The following NHSL1 variants were observed in gnomAD, a reference collection of about 807,000 sequenced individuals.
The protein encoded by NHSL1 is NHS-like protein 1.
Under a neutral mutation model 95.0 loss-of-function variants are expected in NHSL1, and 48 were observed. The observed-to-expected ratio is 0.51, with a 90% confidence interval of 0.40 to 0.64. NHSL1 has a LOEUF of 0.64. NHSL1 is among the 30% of genes least tolerant of loss of function. NHSL1 has a pLI of 0.00. For missense variants in NHSL1, 1,971 were observed against 2,077.7 expected, an observed-to-expected ratio of 0.95 and a Z score of 1.00; for synonymous variants, 783 against 833.9, an observed-to-expected ratio of 0.94 and a Z score of 1.05.
intron 5 of NHSL1, among the ~76,000 whole-genome samples, chr6:138,434,309 T>C (rs1775920652): frequency 6.6e-6 from 1 of 152,132 alleles, no homozygotes; most frequent in African/African-American, 2.4e-5. Flanking sequence ...ATCTGTTGTG[T>C]TCTAGTTGGG....
chr6:138,455,539 TGCTCCCTGCAAGGAGCCCCGCCTTC>T (rs1777551729), intron 3 of NHSL1, among the ~76,000 whole-genome samples: 3 of 117,734 alleles, frequency 2.5e-5, no homozygotes, highest in African/African-American at 8.7e-5. Context: ...CGCCTTCACA[TGCTCCCTGCAAGGAGCCCCGCCTTC>T]GCATGCTTCC....
At chr6:138,456,350 G>A (rs1437893226) in intron 3 of NHSL1, among the ~76,000 whole-genome samples, 1 of 152,172 alleles carries the variant, frequency 6.6e-6, no homozygotes, top group African/African-American at 2.4e-5. Flanking sequence ...TAAGCCTCCT[G>A]TGTTTACAGG....
At chr6:138,657,832 A>AG (rs1313467595) in intron 1 of NHSL1, among the ~76,000 whole-genome samples, 2 of 148,928 alleles carry the variant, frequency 1.3e-5, no homozygotes, top group African/African-American at 4.9e-5. Flanking sequence ...AAAAAAAAAA[A>AG]AAAAGAAAGA....
At chr6:138,687,991 T>C (rs1785609198) in intron 1 of NHSL1, among the ~76,000 whole-genome samples, 1 of 152,116 alleles carries the variant, frequency 6.6e-6, no homozygotes. Flanking sequence ...TTGCTCTATC[T>C]CCCAGGCTGG....
intron 1 of NHSL1, among the ~76,000 whole-genome samples, chr6:138,582,733 A>T (rs1220485483): frequency 6.6e-6 from 1 of 151,924 alleles, no homozygotes; most frequent in Non-Finnish European, 1.5e-5. Flanking sequence ...TGTCCTCCCT[A>T]CCACCAGGCA....
intron 1 of NHSL1, among the ~76,000 whole-genome samples, chr6:138,667,453 T>G (rs1785309364): frequency 6.6e-6 from 1 of 152,256 alleles, no homozygotes; most frequent in South Asian, 2.1e-4. Context: ...ATGAAACTGC[T>G]GTTAAGCTGT....
chr6:138,508,657 A>G (rs1364251837), intron 1 of NHSL1, among the ~76,000 whole-genome samples: 1 of 152,180 alleles, frequency 6.6e-6, no homozygotes, highest in Admixed American at 6.5e-5. Flanking sequence ...GCCTTTGCAC[A>G]TGCTATTAAT....
intron 1 of NHSL1, among the ~76,000 whole-genome samples, chr6:138,678,062 T>C (rs538107137): frequency 4.6e-4 from 70 of 152,306 alleles, no homozygotes; most frequent in African/African-American, 1.6e-3. Context: ...CTAGTTCTCA[T>C]TGCTGCTCTC....
At position 138,555,632 on chromosome 6, in the gene NHSL1, C is replaced by A. The variant is rs113737628; in HGVS notation, c.202+16078G>T. 3.1e-3 allele frequency among the ~76,000 whole-genome samples: 472 copies of A among 152,264 alleles called. 5 individuals carry two copies. The highest frequency in any genetic ancestry group is 0.011 in the African/African-American group (448 of 41,542). On this transcript the variant is annotated intron_variant, in intron 1 of 6. Transcript: ENST00000427025. The stretch of plus-strand genomic sequence containing the variant: ...GCGGAATAAAAGTGACATGAGAAAG[C>A]CTGTTTTCAGGACTGGCGTTCTTCC...
chr6:138,609,549 G>C (rs998570706), intron 1 of NHSL1, among the ~76,000 whole-genome samples: 5 of 152,086 alleles, frequency 3.3e-5, no homozygotes, highest in African/African-American at 1.2e-4. Context: ...AAGAGCTCGA[G>C]ACCATCCTGG....
chr6:138,587,870 A>G (rs1167428960), intron 1 of NHSL1, among the ~76,000 whole-genome samples: 8 of 152,240 alleles, frequency 5.3e-5, no homozygotes, highest in African/African-American at 1.7e-4. Flanking sequence ...GGTCACCAGG[A>G]AAGTTAAGCC....
intron 3 of NHSL1, among the ~76,000 whole-genome samples, chr6:138,467,522 G>A (rs1023896194): frequency 2.0e-5 from 3 of 152,172 alleles, no homozygotes; most frequent in Admixed American, 6.5e-5. Context: ...GCCTCAGGCC[G>A]GTCCTTCAGA....
intron 3 of NHSL1, among the ~76,000 whole-genome samples, chr6:138,457,455 A>G (rs1777690110): frequency 6.6e-6 from 1 of 152,212 alleles, no homozygotes; most frequent in African/African-American, 2.4e-5. Context: ...GTAAATAACC[A>G]GAATCGACGT....
intron 1 of NHSL1, among the ~76,000 whole-genome samples, chr6:138,588,943 G>A (rs529501623): frequency 6.6e-6 from 1 of 152,242 alleles, no homozygotes; most frequent in African/African-American, 2.4e-5. Flanking sequence ...CCTTCCATAT[G>A]GAGCCACCCT....
chr6:138,665,498 C>T (rs1384368542), intron 1 of NHSL1, among the ~76,000 whole-genome samples: 2 of 152,204 alleles, frequency 1.3e-5, no homozygotes, highest in African/African-American at 4.8e-5. Context: ...TTTGGTTCAG[C>T]CTGTCCTTTG....
intron 1 of NHSL1, among the ~76,000 whole-genome samples, chr6:138,523,476 T>C (rs891285061): frequency 6.6e-5 from 10 of 151,690 alleles, no homozygotes; most frequent in Non-Finnish European, 1.3e-4. Flanking sequence ...CCCAGCTAAC[T>C]GTTTAAACTT....
rs888501579 is a variant in NHSL1, at chr6:138,465,697, T to C, written c.339+7609A>G. On this transcript the variant is annotated intron_variant, in intron 3 of 7. Transcript: ENST00000343505. ...AATCTTTGCATTTTGCAGCATCTGA[T>C]ATATCTCCTACACTTTTTTTTCTTT... Among the ~76,000 whole-genome samples the C allele has an allele frequency of 9.9e-5, 15 of 151,860 alleles. 1 individual carries two copies. Among genetic ancestry groups the C allele is most frequent in the Non-Finnish European group, 2.2e-4 (15 of 67,958 alleles).
chr6:138,508,843 T>C (rs1236738230), intron 1 of NHSL1, among the ~76,000 whole-genome samples: 2 of 151,808 alleles, frequency 1.3e-5, no homozygotes, highest in Non-Finnish European at 2.9e-5. Flanking sequence ...GCTATGCCTT[T>C]CTTGCAGAAA....
chr6:138,594,340 A>G (rs149004693), intron 1 of NHSL1, among the ~76,000 whole-genome samples: 376 of 152,280 alleles, frequency 2.5e-3, no homozygotes, highest in African/African-American at 8.7e-3. Context: ...GTAGAACTCA[A>G]TCCTTGAGAG....
Sources: allele counts gnomAD v4.1 joint callset (sites outside exome capture counted in the v4.1 genomes callset), GRCh38; gene constraint gnomAD v4.1.1; transcripts MANE v1.5; gene names NCBI Gene and HGNC (gene_info 2026-07-23, HGNC 2026-07-21).